Variants in TMEM51 observed in about 807,000 individuals in gnomAD.
TMEM51 encodes the protein chromosome 1 open reading frame 72.
TMEM51 carries 8 observed loss-of-function variants against 13.6 expected under a neutral mutation model. The observed-to-expected ratio is 0.59, with a 90% CI of 0.35 to 1.07. The LOEUF is 1.07. Among genes scored for constraint, TMEM51 ranks in the 50% least tolerant of loss-of-function variants. The pLI is 0.02. For synonymous variants in TMEM51, 147 were observed against 144.4 expected, an observed-to-expected ratio of 1.02 and a Z score of -0.13; for missense variants, 279 against 330.7, an observed-to-expected ratio of 0.84 and a Z score of 1.21.
At chr1:15,167,384 C>CATTTATTCCATG (rs1035662799) in intron 1 of TMEM51, among the ~76,000 whole-genome samples, 12 of 145,992 alleles carry the variant, frequency 8.2e-5, no homozygotes, top group African/African-American at 2.8e-4. Context: ...CCCCATACTG[C>CATTTATTCCATG]ATTTATTCCA....
At chr1:15,171,170 GCA>G (rs747822500) in intron 1 of TMEM51, 1 of 1,299,812 alleles carries the variant, frequency 7.7e-7, no homozygotes, top group South Asian at 1.2e-5. Context: ...CCCAGGATTT[GCA>G]TTTCTAACCA....
upstream of TMEM51, among the ~76,000 whole-genome samples, chr1:15,152,950 G>A (rs1487361099): frequency 6.6e-6 from 1 of 151,838 alleles, no homozygotes; most frequent in Non-Finnish European, 1.5e-5. Context: ...GGCAAAGCTG[G>A]GGATGAGCCC....
chr1:15,163,640 T>TTTTTTTTTTTTTAGAC (rs1553197697), intron 1 of TMEM51, among the ~76,000 whole-genome samples: 3 of 150,358 alleles, frequency 2.0e-5, no homozygotes, highest in Non-Finnish European at 3.0e-5. Context: ...TTATTTTTTG[T>TTTTTTTTTTTTTAGAC]AATAATAGCA....
chr1:15,175,817 TG>T (rs1643440553), intron 1 of TMEM51, among the ~76,000 whole-genome samples: 1 of 152,200 alleles, frequency 6.6e-6, no homozygotes, highest in Non-Finnish European at 1.5e-5. Context: ...TATCTTCACC[TG>T]GCCCCGCCCT....
chr1:15,179,560 A>T (rs770802327), intron 1 of TMEM51, among the ~76,000 whole-genome samples: 2 of 152,292 alleles, frequency 1.3e-5, no homozygotes, highest in Middle Eastern at 3.4e-3. Context: ...AGGTGGGAGG[A>T]TCACTTGAGC....
In TMEM51 at chr1:15,193,575, CTTTTTTTT is replaced by C. The variant is rs3078881; in HGVS notation, c.-266-16902_-266-16895del. Among the ~76,000 whole-genome samples, 1,144 of 114,648 alleles carry C rather than the reference CTTTTTTTT, an allele frequency of 1.0e-2. 24 individuals carry two copies. The highest frequency in any genetic ancestry group is 0.037 in the African/African-American group (1,039 of 28,110). 75.2% of individuals were successfully genotyped at this position (114,648 alleles called of 152,430 possible). A position where few individuals can be genotyped will look rare whatever the true frequency, so the allele number is the denominator to read the frequency against. On this transcript the variant is annotated intron_variant, in intron 1 of 3. Coordinates refer to ENST00000376008, the MANE Select transcript of TMEM51 (RefSeq NM_001136218.2). ...CATTTTCTTTTTCTTTTCTTTCTTT[CTTTTTTTT>C]TTTTTTTTTTTTGAGACAGGGTCTC...
intron 1 of TMEM51, among the ~76,000 whole-genome samples, chr1:15,169,100 CCAGGCTT>C (rs1331117944): frequency 6.6e-6 from 1 of 152,082 alleles, no homozygotes; most frequent in Non-Finnish European, 1.5e-5. Flanking sequence ...ATTCAGAGAC[CCAGGCTT>C]CTATCTTTAG....
intron 1 of TMEM51, among the ~76,000 whole-genome samples, chr1:15,197,374 G>A (rs1163987825): frequency 1.3e-5 from 2 of 152,106 alleles, no homozygotes; most frequent in Non-Finnish European, 2.9e-5. Flanking sequence ...TAAAACAACA[G>A]CATCCTCTCA....
At chr1:15,217,911 C>T (rs1644455053) in intron 3 of TMEM51, among the ~76,000 whole-genome samples, 1 of 152,164 alleles carries the variant, frequency 6.6e-6, no homozygotes, top group African/African-American at 2.4e-5. Flanking sequence ...TAAAATTAAC[C>T]ATCACACATG....
intron 2 of TMEM51, among the ~76,000 whole-genome samples, chr1:15,211,834 C>T (rs527784619): frequency 3.0e-5 from 4 of 132,842 alleles, no homozygotes; most frequent in Non-Finnish European, 6.7e-5. Flanking sequence ...CCCCCCCCCC[C>T]CCCGGGATTT....
At chr1:15,215,786 G>A (rs1644422606) in intron 3 of TMEM51, among the ~76,000 whole-genome samples, 1 of 152,174 alleles carries the variant, frequency 6.6e-6, no homozygotes, top group Non-Finnish European at 1.5e-5. Flanking sequence ...CAGAACTTTG[G>A]GAGGCCGAGG....
Position 15,207,510 on chromosome 1 carries a change from A to T in TMEM51, c.-266-2980A>T, listed in dbSNP as rs1644271650. Among the ~76,000 whole-genome samples, 1 of 151,924 alleles carries T rather than the reference A, an allele frequency of 6.6e-6. No individual in the cohort carries two copies. Among genetic ancestry groups the T allele is most frequent in the Non-Finnish European group, 1.5e-5 (1 of 67,982 alleles). On this transcript the variant is annotated intron_variant, in intron 1 of 3. Coordinates refer to ENST00000376008, the MANE Select transcript of TMEM51 (RefSeq NM_001136218.2). This position sits in a 1 kb window ranked among gnomAD's most constrained non-coding sequence, Gnocchi z 4.6. The stretch of plus-strand genomic sequence containing the variant: ...TGTCTTCACGTTCAAGTTCATGGAG[A>T]CTCAATCCAGATGTGCCTGGCTGTG...
chr1:15,181,007 G>A (rs977397532), intron 1 of TMEM51, among the ~76,000 whole-genome samples: 1 of 152,170 alleles, frequency 6.6e-6, no homozygotes, highest in African/African-American at 2.4e-5. Context: ...CAGACTGGAC[G>A]GAGAATCCAT....
At chr1:15,205,264 A>G (rs1362603774) in intron 1 of TMEM51, among the ~76,000 whole-genome samples, 1 of 152,110 alleles carries the variant, frequency 6.6e-6, no homozygotes, top group East Asian at 1.9e-4. Context: ...ATTAGCAAGG[A>G]CCCTGGTGAT....
rs112949243 is a variant in TMEM51 at position 15,197,643 on chromosome 1, C to T, written c.-266-12847C>T. Among the ~76,000 whole-genome samples, 575 of 145,994 alleles carry T rather than the reference C, an allele frequency of 3.9e-3. 4 individuals carry two copies. Among genetic ancestry groups the T allele is most frequent in the Non-Finnish European group, 4.7e-3 (312 of 66,622 alleles). The stretch of plus-strand genomic sequence containing the variant: ...TAAGTGTGTGTTGTGACCAGTGCTC[C>T]GATTATGGGCACAGGCTCTGTGTAC... On this transcript the variant is annotated intron_variant, in intron 1 of 3. Transcript: ENST00000376008.
intron 1 of TMEM51, among the ~76,000 whole-genome samples, chr1:15,171,566 G>C (rs2100837584): frequency 6.6e-6 from 1 of 152,298 alleles, no homozygotes; most frequent in South Asian, 2.1e-4. Context: ...ATGCAGAATG[G>C]AGGACAGGCT....
chr1:15,179,507 G>A (rs1435145881), intron 1 of TMEM51, among the ~76,000 whole-genome samples: 1 of 152,198 alleles, frequency 6.6e-6, no homozygotes, highest in East Asian at 1.9e-4. Flanking sequence ...CTTTTGGCCG[G>A]TGCAATAGCT....
At chr1:15,168,468 A>G (rs1213627485) in intron 1 of TMEM51, 1 of 1,294,356 alleles carries the variant, frequency 7.7e-7, no homozygotes, top group South Asian at 1.3e-5. Context: ...GCTGTAACTC[A>G]GAATGTATAA....
At position 15,219,823 on chromosome 1, in the gene TMEM51, A is replaced by C; in HGVS notation, c.*80A>C. ...ACTCTAACAAAGCCACATGAGCCAC[A>C]GTTGAGAAGCGGAGGGGCCAGCTGT... On this transcript the variant is annotated 3_prime_UTR_variant, in exon 4 of 4. Transcript: ENST00000376008. 6.7e-7 allele frequency: 1 copy of C among 1,500,694 alleles called. No individual in the cohort carries two copies. Among genetic ancestry groups the C allele is most frequent in the Non-Finnish European group, 9.0e-7 (1 of 1,112,876 alleles). 93.0% of individuals were successfully genotyped at this position (1,500,694 alleles called of 1,614,324 possible). A position where few individuals can be genotyped will look rare whatever the true frequency, so the allele number is the denominator to read the frequency against.
Sources: gnomAD v4.1 joint callset for allele counts (sites outside exome capture counted in the v4.1 genomes callset) on GRCh38, gnomAD v4.1.1 for gene constraint, Gnocchi (gnomAD v3.1) non-coding constraint, MANE v1.5 for transcripts, NCBI Gene and HGNC (gene_info 2026-07-23, HGNC 2026-07-21) for gene names.